Variants in ST18 observed in about 807,000 individuals in gnomAD.
The protein encoded by ST18 is ST18 C2H2C-type zinc finger transcription factor.
In ST18, 50 loss-of-function variants were observed where a neutral mutation model predicts 110.0. The observed-to-expected ratio is 0.45, with a 90% confidence interval of 0.36 to 0.58. The LOEUF (loss-of-function observed/expected upper bound fraction) is 0.58, where lower values mean the gene tolerates loss of function less well. ST18 is among the 20% of genes least tolerant of loss of function. ST18 has a pLI of 0.00. For synonymous variants in ST18, 461 were observed against 452.4 expected, an observed-to-expected ratio of 1.02 and a Z score of -0.24; for missense variants, 1,306 against 1,280.1, an observed-to-expected ratio of 1.02 and a Z score of -0.31.
At chr8:52,361,120 G>A (rs542073861) in intron 2 of ST18, among the ~76,000 whole-genome samples, 15 of 152,224 alleles carry the variant, frequency 9.9e-5, no homozygotes, top group African/African-American at 3.4e-4. Flanking sequence ...ATATTTCACC[G>A]TAGTATATTT....
chr8:52,131,922 C>T (rs948338655), intron 22 of ST18, 36 bp downstream of exon 22: 4 of 1,607,528 alleles, frequency 2.5e-6, no homozygotes, highest in South Asian at 2.2e-5. Context: ...CAACCGATCA[C>T]AACACTACAA....
At chr8:52,156,419 G>A (rs1052101813) in intron 15 of ST18, among the ~76,000 whole-genome samples, 10 of 152,166 alleles carry the variant, frequency 6.6e-5, no homozygotes, top group African/African-American at 9.7e-5. Context: ...AGAAATAAGC[G>A]TACTAATAGC....
At chr8:52,116,451 T>A in intron 24 of ST18, 33 bp from the exon 25 acceptor site, 1 of 1,599,060 alleles carries the variant, frequency 6.3e-7, no homozygotes, top group Non-Finnish European at 8.5e-7. Context: ...ATGTGAGTAG[T>A]GGAGTTTGGA....
At chr8:52,381,128 C>A (rs1834350833) in intron 2 of ST18, among the ~76,000 whole-genome samples, 1 of 152,194 alleles carries the variant, frequency 6.6e-6, no homozygotes. Context: ...AATATCTCCA[C>A]AAGTTCCCTG....
intron 13 of ST18, among the ~76,000 whole-genome samples, chr8:52,163,176 A>T (rs1164799742): frequency 6.6e-6 from 1 of 152,236 alleles, no homozygotes; most frequent in South Asian, 2.1e-4. Context: ...TTCACTTGAC[A>T]TATGTTCTTC....
chr8:52,283,605 G>C (rs2095422103), intron 2 of ST18, among the ~76,000 whole-genome samples: 1 of 152,170 alleles, frequency 6.6e-6, no homozygotes, highest in African/African-American at 2.4e-5. Context: ...GTCAAATCTT[G>C]CTGAGAGGCC....
intron 2 of ST18, chr8:52,248,349 A>T (rs1263395959): frequency 6.6e-6 from 1 of 152,170 alleles, no homozygotes; most frequent in Non-Finnish European, 1.5e-5. Context: ...TATTATGAAC[A>T]CATCTATTTT....
chr8:52,276,879 G>A (rs2095278099), intron 2 of ST18, among the ~76,000 whole-genome samples: 1 of 150,782 alleles, frequency 6.6e-6, no homozygotes, highest in African/African-American at 2.4e-5. Context: ...CGATTCTCCT[G>A]CCTCACCATC....
At chr8:52,375,950 G>A (rs776418662) in intron 2 of ST18, among the ~76,000 whole-genome samples, 4 of 151,978 alleles carry the variant, frequency 2.6e-5, no homozygotes, top group Non-Finnish European at 5.9e-5. Flanking sequence ...CTACTACTCC[G>A]CTCACATCCC....
rs761007684 is a variant in ST18, at chr8:52,158,970, G to A, written c.1734C>T (p.Ile578=). Reference sequence around the variant, plus strand: ...CCCTGCAGCGGGTGGAAAGGTTCAGGATGGCAGCAGCTGCTGCTATGTGGG... The same window carrying A: ...CCCTGCAGCGGGTGGAAAGGTTCAGAATGGCAGCAGCTGCTGCTATGTGGG... ...EDTHIAAAAA[I]LNLSTRCREA... The change falls in exon 15 of 26, where the codon ATC becomes ATT. Residue 578 remains isoleucine, a synonymous_variant. Coordinates refer to ENST00000689386, the MANE Select transcript of ST18 (RefSeq NM_001352837.2). 14 of 1,614,070 alleles carry A rather than the reference G, an allele frequency of 8.7e-6. No individual in the cohort carries two copies. In the East Asian group the frequency reaches 2.7e-4, roughly 31 times the overall value.
chr8:52,111,948 C>CTGTGTGTGTG lies in ST18; in HGVS notation c.*1240_*1249dup, dbSNP rs147303949. The CTGTGTGTGTG allele has an allele frequency of 6.7e-6, 1 of 148,644 alleles. No individual in the cohort carries two copies. The highest frequency in any genetic ancestry group is 2.5e-5 in the African/African-American group (1 of 40,544). 9.2% of individuals were successfully genotyped at this position (148,644 alleles called of 1,614,324 possible). Reference sequence around the variant, plus strand: ...GGCTCAATTTGAAGTGTGGATGAGTCTGTGTGTGTGTGTGTGTGTGTGTCT... The same window carrying CTGTGTGTGTG: ...GGCTCAATTTGAAGTGTGGATGAGTCTGTGTGTGTGTGTGTGTGTGTGTGTGTGTGTGTCT... On this transcript the variant is annotated 3_prime_UTR_variant, in exon 26 of 26. Transcript: ENST00000689386.
At chr8:52,229,434 T>C (rs1588939416) in intron 3 of ST18, among the ~76,000 whole-genome samples, 1 of 152,220 alleles carries the variant, frequency 6.6e-6, no homozygotes, top group African/African-American at 2.4e-5. Flanking sequence ...GTCCCTGTTT[T>C]CTTGCAGGTT....
At chr8:52,356,807 C>T (rs6993676) in intron 2 of ST18, among the ~76,000 whole-genome samples, 149,835 of 152,264 alleles carry the variant, frequency 0.98, 73,767 homozygotes, top group Middle Eastern at 1. Flanking sequence ...ATAAAGGAAA[C>T]AGAAATTCTG....
chr8:52,238,318 T>C (rs996208019), intron 2 of ST18, among the ~76,000 whole-genome samples: 3 of 152,138 alleles, frequency 2.0e-5, no homozygotes, highest in African/African-American at 4.8e-5. Flanking sequence ...CCCAAATGTC[T>C]ATCAACCAAT....
Position 52,166,991 on chromosome 8 carries a change from G to A in ST18, c.1070-5C>T. On this transcript the variant is annotated splice_polypyrimidine_tract_variant and splice_region_variant and intron_variant, in intron 10 of 25. Transcript: ENST00000689386. ...TCTTTTCAGGCCTTGGTGAATCTAT[G>A]GAGAAATTCAATTGAGAAATGCATT... The A allele has an allele frequency of 6.2e-7, 1 of 1,600,568 alleles. No homozygotes were observed. Among genetic ancestry groups the A allele is most frequent in the Non-Finnish European group, 8.5e-7 (1 of 1,171,238 alleles).
At chr8:52,326,810 C>T (rs771143450) in intron 2 of ST18, among the ~76,000 whole-genome samples, 12 of 152,184 alleles carry the variant, frequency 7.9e-5, no homozygotes, top group South Asian at 2.1e-4. Flanking sequence ...AGTGATTTAA[C>T]GCCTGAGATG....
chr8:52,191,506 G>GA (rs2074471894), intron 8 of ST18, among the ~76,000 whole-genome samples: 1 of 152,162 alleles, frequency 6.6e-6, no homozygotes, highest in African/African-American at 2.4e-5. Context: ...CCAGACCTGT[G>GA]ACATCCACCA....
At chr8:52,152,217 CAGTACCAG>C (rs2058991522) in intron 15 of ST18, among the ~76,000 whole-genome samples, 1 of 152,176 alleles carries the variant, frequency 6.6e-6, no homozygotes, top group South Asian at 2.1e-4. Context: ...CAATTACATG[CAGTACCAG>C]AGAAGGGTCC....
At chr8:52,141,913 C>T (rs868625524) in intron 17 of ST18, among the ~76,000 whole-genome samples, 2 of 152,188 alleles carry the variant, frequency 1.3e-5, no homozygotes, top group South Asian at 2.1e-4. Flanking sequence ...AAGAAAGGGT[C>T]CCAGGACGGA....
Sources: allele counts gnomAD v4.1 joint callset (sites outside exome capture counted in the v4.1 genomes callset), GRCh38; gene constraint gnomAD v4.1.1; transcripts MANE v1.5; gene names NCBI Gene and HGNC (gene_info 2026-07-23, HGNC 2026-07-21).